SGCD: variants seen among roughly 807,000 people sequenced by gnomAD.
The protein encoded by SGCD is delta-sarcoglycan.
SGCD carries 18 observed loss-of-function variants against 36.6 expected under a neutral mutation model. The observed-to-expected ratio is 0.49, with a 90% confidence interval of 0.34 to 0.73. The LOEUF is 0.73. Among genes scored for constraint, SGCD ranks in the 30% least tolerant of loss-of-function variants. SGCD has a pLI of 0.01. For missense variants in SGCD, 387 were observed against 346.7 expected (o/e 1.12, Z -0.92); for synonymous variants, 133 against 130.6 (o/e 1.02, Z -0.12).
intron 3 of SGCD, among the ~76,000 whole-genome samples, chr5:156,423,075 A>C (rs981560950): frequency 2.1e-5 from 3 of 144,706 alleles, no homozygotes; most frequent in African/African-American, 7.7e-5. Flanking sequence ...AAAGGCATAT[A>C]AGCTCCATTT....
In SGCD at chr5:156,050,717, C is replaced by A. The variant is rs1354158542; in HGVS notation, c.-281-67161C>A. Among the ~76,000 whole-genome samples, 3 of 146,772 alleles carry A rather than the reference C, an allele frequency of 2.0e-5. 1 individual carries two copies. Among genetic ancestry groups the A allele is most frequent in the African/African-American group, 7.4e-5 (3 of 40,784 alleles). ...TAAAATCAAGGTGTCAGCAGGGCTGCATTTCTTCTTGATGCTCTAGGAGAT... is the reference window on the plus strand; with the variant it reads ...TAAAATCAAGGTGTCAGCAGGGCTGAATTTCTTCTTGATGCTCTAGGAGAT... On this transcript the variant is annotated intron_variant, in intron 1 of 9. Transcript: ENST00000517913.
At chr5:155,993,545 A>G (rs1758478996) in intron 1 of SGCD, among the ~76,000 whole-genome samples, 1 of 152,040 alleles carries the variant, frequency 6.6e-6, no homozygotes, top group Admixed American at 6.6e-5. Context: ...GAGTTTCGCT[A>G]CATTGGCCAG....
chr5:156,100,366 T>C (rs758782550), intron 1 of SGCD, among the ~76,000 whole-genome samples: 2 of 152,162 alleles, frequency 1.3e-5, no homozygotes, highest in Non-Finnish European at 2.9e-5. Flanking sequence ...CTGGGAATCC[T>C]GGGAATGTCC....
chr5:155,959,685 T>C (rs1561663661), intron 1 of SGCD, among the ~76,000 whole-genome samples: 1 of 152,152 alleles, frequency 6.6e-6, no homozygotes, highest in Non-Finnish European at 1.5e-5. Context: ...TTTAAAGATA[T>C]CACTTGCAAG....
chr5:156,749,473 C>T (rs1363011131), intron 7 of SGCD, among the ~76,000 whole-genome samples: 2 of 151,858 alleles, frequency 1.3e-5, no homozygotes, highest in Admixed American at 6.6e-5. Flanking sequence ...AAGTTAGCTC[C>T]TTGAAAGGAC....
the SGCD span, among the ~76,000 whole-genome samples, chr5:155,729,794 CG>C: frequency 1.1e-4 from 17 of 152,180 alleles, no homozygotes; most frequent in African/African-American, 4.1e-4. Context: ...TGCCTCCTGT[CG>C]GAAAACAGCG....
At chr5:156,725,456 T>C (rs1755728361) in intron 7 of SGCD, among the ~76,000 whole-genome samples, 1 of 152,212 alleles carries the variant, frequency 6.6e-6, no homozygotes, top group Admixed American at 6.5e-5. Context: ...AGCCAGCTTA[T>C]GGAAATGTAT....
chr5:156,715,498 T>G (rs1755178475), intron 7 of SGCD, among the ~76,000 whole-genome samples: 1 of 152,196 alleles, frequency 6.6e-6, no homozygotes, highest in African/African-American at 2.4e-5. Context: ...GAGTGACTAA[T>G]CCATGCCGCC....
intron 1 of SGCD, among the ~76,000 whole-genome samples, chr5:155,892,973 G>C (rs1756172115): frequency 2.0e-5 from 3 of 152,202 alleles, no homozygotes; most frequent in Admixed American, 1.3e-4. Flanking sequence ...GGTGGTTTGG[G>C]AGGAAGAGGG....
At chr5:156,317,654 T>C (rs991527438) in intron 3 of SGCD, among the ~76,000 whole-genome samples, 1 of 152,142 alleles carries the variant, frequency 6.6e-6, no homozygotes, top group Non-Finnish European at 1.5e-5. Context: ...AGTTTTTCAG[T>C]GTGGAAATGT....
chr5:156,472,564 T>A (rs1269125517), intron 3 of SGCD, among the ~76,000 whole-genome samples: 4 of 152,136 alleles, frequency 2.6e-5, no homozygotes, highest in African/African-American at 9.7e-5. Flanking sequence ...ATTACAGGCA[T>A]GAGCCACCAC....
chr5:156,260,956 T>G (rs1346486), intron 3 of SGCD, among the ~76,000 whole-genome samples: 32,544 of 152,048 alleles, frequency 0.21, 3,898 homozygotes, highest in Admixed American at 0.27. Context: ...ATTAATGTGA[T>G]GTATTCTATT....
chr5:156,254,763 CTT>C, intron 3 of SGCD, among the ~76,000 whole-genome samples: 1 of 152,298 alleles, frequency 6.6e-6, no homozygotes, highest in Non-Finnish European at 1.5e-5. Flanking sequence ...GGGAGAATCT[CTT>C]GGGCCCAGAG....
intron 3 of SGCD, among the ~76,000 whole-genome samples, chr5:156,263,919 T>A (rs1323813883): frequency 6.6e-6 from 1 of 152,122 alleles, no homozygotes; most frequent in African/African-American, 2.4e-5. Context: ...TGGGTTTATT[T>A]CTGGGTTCTC....
intron 3 of SGCD, among the ~76,000 whole-genome samples, chr5:156,145,854 C>A (rs577692745): frequency 6.6e-6 from 1 of 151,992 alleles, no homozygotes; most frequent in Non-Finnish European, 1.5e-5. Flanking sequence ...AATAATGTTT[C>A]AAATAAAAAG....
intron 6 of SGCD, among the ~76,000 whole-genome samples, chr5:156,606,269 G>T (rs568454371): frequency 3.9e-5 from 6 of 152,316 alleles, no homozygotes; most frequent in African/African-American, 1.4e-4. Context: ...CACATGGCTA[G>T]CCAGTTTTCC....
chr5:156,218,196 G>C (rs972862782), intron 3 of SGCD, among the ~76,000 whole-genome samples: 2 of 152,122 alleles, frequency 1.3e-5, no homozygotes, highest in Non-Finnish European at 2.9e-5. Context: ...AGGTTGCAGT[G>C]AGCCGAGATG....
intron 3 of SGCD, among the ~76,000 whole-genome samples, chr5:156,243,159 G>A (rs1208700619): frequency 1.2e-4 from 18 of 152,230 alleles, no homozygotes; most frequent in Non-Finnish European, 1.0e-4. Flanking sequence ...AAGTAGCTTG[G>A]AATGGGGAGT....
chr5:156,081,098 G>A (rs976930600), intron 1 of SGCD, among the ~76,000 whole-genome samples: 3 of 152,138 alleles, frequency 2.0e-5, no homozygotes, highest in Non-Finnish European at 2.9e-5. Context: ...TTTAGCTTCT[G>A]GTGAGGGCCT....
Sources: allele counts gnomAD v4.1 joint callset (sites outside exome capture counted in the v4.1 genomes callset), GRCh38; gene constraint gnomAD v4.1.1; transcripts MANE v1.5; gene names NCBI Gene and HGNC (gene_info 2026-07-23, HGNC 2026-07-21).